C8B: variants seen among roughly 807,000 people sequenced by gnomAD.
C8B encodes complement component C8 beta chain.
Under a neutral mutation model 64.6 loss-of-function variants are expected in C8B, and 67 were observed. The observed-to-expected ratio is 1.04, with a 90% confidence interval of 0.85 to 1.27. C8B has a LOEUF of 1.27. Ranked by LOEUF, C8B falls within the 50% of genes most tolerant of loss-of-function variation. The probability of loss-of-function intolerance (pLI) is 0.00; values close to 1 mark genes in which losing one functional copy is unlikely to be tolerated. For synonymous variants in C8B, 284 were observed against 257.7 expected (o/e 1.10, Z -0.98); for missense variants, 790 against 725.2 (o/e 1.09, Z -1.03).
At chr1:56,963,618 T>C (rs1345892531) in intron 1 of C8B, among the ~76,000 whole-genome samples, 2 of 151,918 alleles carry the variant, frequency 1.3e-5, no homozygotes, top group African/African-American at 2.4e-5. Context: ...AACGCATTAG[T>C]GAGAAGCAGA....
intron 9 of C8B, among the ~76,000 whole-genome samples, chr1:56,938,131 A>T (rs1329716300): frequency 6.6e-6 from 1 of 152,182 alleles, no homozygotes; most frequent in South Asian, 2.1e-4. Flanking sequence ...GTGTTTTCAC[A>T]TTTAATTTTG....
chr1:56,962,401 T>C (rs1169231715), intron 1 of C8B, among the ~76,000 whole-genome samples: 1 of 152,216 alleles, frequency 6.6e-6, no homozygotes, highest in Non-Finnish European at 1.5e-5. Context: ...ACAGCATCTT[T>C]AGTTCCTGGG....
In C8B at chr1:56,943,691, C is replaced by T; in HGVS notation, c.1234+5G>A. ...GTGTGGAAGTCACAAGCCCCTGTCA[C>T]TCACCTTTTATTTCATTCAGAATAC... On this transcript the variant is annotated splice_donor_5th_base_variant and intron_variant, in intron 8 of 11. Transcript: ENST00000371237. The T allele has an allele frequency of 6.2e-7, 1 of 1,614,030 alleles. No individual in the cohort carries two copies. Among genetic ancestry groups the T allele is most frequent in the Non-Finnish European group, 8.5e-7 (1 of 1,179,936 alleles).
At chr1:56,932,988 C>T (rs1305597526) in intron 10 of C8B, among the ~76,000 whole-genome samples, 1 of 152,118 alleles carries the variant, frequency 6.6e-6, no homozygotes, top group Non-Finnish European at 1.5e-5. Context: ...TTCTAGTGGC[C>T]CATCCTTGCT....
intron 5 of C8B, among the ~76,000 whole-genome samples, chr1:56,951,000 A>T (rs1426626998): frequency 6.6e-6 from 1 of 152,276 alleles, no homozygotes; most frequent in East Asian, 1.9e-4. Context: ...GCGCTAAGCC[A>T]AATTTGTTCT....
At chr1:56,930,831 T>C (rs1341543935) in intron 11 of C8B, among the ~76,000 whole-genome samples, 3 of 152,228 alleles carry the variant, frequency 2.0e-5, no homozygotes, top group Admixed American at 2.0e-4. Flanking sequence ...TAACCAATGT[T>C]TATCTTGCTT....
At position 56,958,495 on chromosome 1, in the gene C8B, G is replaced by GA. The variant is rs1309384131; in HGVS notation, c.249+1524dup. Among the ~76,000 whole-genome samples, 700 of 148,556 alleles carry GA rather than the reference G, an allele frequency of 4.7e-3. 6 individuals carry two copies. The highest frequency in any genetic ancestry group is 0.01 in the African/African-American group (425 of 40,588). On this transcript the variant is annotated intron_variant, in intron 2 of 11. Transcript: ENST00000371237. ...GGACAAGGCTTGCAGAGAACACTGT[G>GA]AAAAAAAAAAGACTAAAAAGCTCCA...
chr1:56,931,787 A>G (rs768871009), intron 11 of C8B, 23 bp downstream of exon 11: 3 of 1,553,608 alleles, frequency 1.9e-6, no homozygotes, highest in Middle Eastern at 1.7e-4. Context: ...ACCTCCCCAG[A>G]GTTCCTTTTC....
intron 4 of C8B, among the ~76,000 whole-genome samples, chr1:56,953,317 T>A (rs1481665898): frequency 6.6e-6 from 1 of 152,230 alleles, no homozygotes; most frequent in Non-Finnish European, 1.5e-5. Flanking sequence ...ACATATTCCA[T>A]GTATCAAAAT....
rs1557738678 is a variant in C8B, at chr1:56,952,195, CAG to C, written c.534-17_534-16del. 3 of 1,613,898 alleles carry C rather than the reference CAG, an allele frequency of 1.9e-6. No homozygotes were observed. The highest frequency in any genetic ancestry group is 1.6e-4 in the Middle Eastern group (1 of 6,084). On this transcript the variant is annotated splice_polypyrimidine_tract_variant and intron_variant, in intron 4 of 11. Coordinates refer to ENST00000371237, the MANE Select transcript of C8B (RefSeq NM_000066.4). ...ACAAATTTATCCTGTGAGGAAGAGA[CAG>C]AGATGGCGAAGAGGTTAAAGTTTGC...
chr1:56,961,476 T>C (rs1363856533), intron 1 of C8B, among the ~76,000 whole-genome samples: 1 of 152,152 alleles, frequency 6.6e-6, no homozygotes, highest in Non-Finnish European at 1.5e-5. Flanking sequence ...ATGCAGCTGG[T>C]ATGCAGTGGT....
chr1:56,963,975 G>A (rs1457195078), intron 1 of C8B: 21 of 985,102 alleles, frequency 2.1e-5, no homozygotes, highest in East Asian at 1.1e-4. Flanking sequence ...TCTTCTACTC[G>A]CAGATGGAAT....
intron 9 of C8B, among the ~76,000 whole-genome samples, chr1:56,940,189 CT>C (rs1644830863): frequency 1.3e-5 from 2 of 151,932 alleles, no homozygotes; most frequent in Non-Finnish European, 2.9e-5. Flanking sequence ...GAGTGATTCT[CT>C]AATGAAATAA....
intron 1 of C8B, among the ~76,000 whole-genome samples, chr1:56,961,285 C>G (rs890951209): frequency 4.6e-5 from 7 of 152,130 alleles, no homozygotes; most frequent in African/African-American, 1.2e-4. Flanking sequence ...GATGGGAAGA[C>G]AAAAGGAATG....
chr1:56,958,940 C>A (rs892963814), intron 2 of C8B, among the ~76,000 whole-genome samples: 4 of 152,210 alleles, frequency 2.6e-5, no homozygotes, highest in Non-Finnish European at 5.9e-5. Flanking sequence ...ATTCTCTTTT[C>A]TCTGGCATAT....
chr1:56,956,921 G>C lies in C8B; in HGVS notation c.250-11C>G, dbSNP rs1645112880. On this transcript the variant is annotated splice_polypyrimidine_tract_variant and intron_variant, in intron 2 of 11. Transcript: ENST00000371237. ...GTAGGCATACCTGTACTGTAGCAGA[G>C]AGGAGCCAGGTGAACCAAGGGTAAA... 3 of 1,613,998 alleles carry C rather than the reference G, an allele frequency of 1.9e-6. No individual in the cohort carries two copies. Among genetic ancestry groups the C allele is most frequent in the Non-Finnish European group, 1.7e-6 (2 of 1,179,962 alleles).
chr1:56,937,951 C>A (rs1377181239), intron 9 of C8B, among the ~76,000 whole-genome samples: 1 of 152,174 alleles, frequency 6.6e-6, no homozygotes, highest in Non-Finnish European at 1.5e-5. Flanking sequence ...AATTCTAGGG[C>A]CAGTTTGACT....
intron 3 of C8B, 27 bp from the exon 4 acceptor site, chr1:56,954,854 C>T (rs1028016387): frequency 4.3e-6 from 7 of 1,614,060 alleles, no homozygotes; most frequent in Middle Eastern, 1.6e-4. Context: ...GTATTACCCA[C>T]AGCCACATGG....
In C8B at chr1:56,933,212, A is replaced by G; in HGVS notation, c.1552+123T>C. 3 of 837,736 alleles carry G rather than the reference A, an allele frequency of 3.6e-6. No homozygotes were observed. The South Asian group carries it at 4.1e-5, about 11-fold the overall frequency. The allele number at this position is 837,736 out of a possible 1,614,324, so 51.9% of individuals were successfully genotyped here. ...AGAACCCAGGTATACTGACAGCCAG[A>G]GTAGTATCTCCCAGTGGACTAAATT... On this transcript the variant is annotated intron_variant, in intron 10 of 11. Coordinates refer to ENST00000371237, the MANE Select transcript of C8B (RefSeq NM_000066.4).
Sources: allele counts gnomAD v4.1 joint callset (sites outside exome capture counted in the v4.1 genomes callset), GRCh38; gene constraint gnomAD v4.1.1; transcripts MANE v1.5; gene names NCBI Gene and HGNC (gene_info 2026-07-23, HGNC 2026-07-21).